PIK3AP1: variants seen among roughly 807,000 people sequenced by gnomAD.
The protein encoded by PIK3AP1 is phosphoinositide 3-kinase adapter protein 1.
A neutral mutation model predicts 88.1 loss-of-function variants in PIK3AP1; 21 were observed. The ratio of observed to expected loss-of-function variants is 0.24; its 90% CI spans 0.17 to 0.34. PIK3AP1 has a LOEUF of 0.34. PIK3AP1 is among the 10% of genes least tolerant of loss of function. PIK3AP1 has a pLI of 1.00. For synonymous variants in PIK3AP1, 398 were observed against 400.0 expected (o/e 1.00, Z 0.06); for missense variants, 828 against 1,035.7 (o/e 0.80, Z 2.75).
In PIK3AP1 at chr10:96,720,091, C is replaced by T. The variant is rs1214251627; in HGVS notation, c.13+291G>A. On this transcript the variant is annotated intron_variant, in intron 1 of 16. Coordinates refer to ENST00000339364, the MANE Select transcript of PIK3AP1 (RefSeq NM_152309.3). This position sits in a 1 kb window ranked among gnomAD's most constrained non-coding sequence, Gnocchi z 4.6. ...AGAGTCGGAGGGACAGGGGAAGCGA[C>T]GCTCAGACACTCCTAGGGCCAGAGG... 6.6e-6 allele frequency among the ~76,000 whole-genome samples: 1 copy of T among 152,146 alleles called. No individual in the cohort carries two copies. Among genetic ancestry groups the T allele is most frequent in the Non-Finnish European group, 1.5e-5 (1 of 68,022 alleles).
intron 11 of PIK3AP1, among the ~76,000 whole-genome samples, chr10:96,622,345 C>T (rs781142102): frequency 6.6e-6 from 1 of 152,214 alleles, no homozygotes. Flanking sequence ...ATGAGCTACT[C>T]GCAGCGACCA....
Position 96,626,753 on chromosome 10 carries a change from G to T in PIK3AP1, c.1624C>A (p.Pro542Thr). 4 of 1,614,218 alleles carry T rather than the reference G, an allele frequency of 2.5e-6. No homozygotes were observed. Among genetic ancestry groups the T allele is most frequent in the Non-Finnish European group, 3.4e-6 (4 of 1,180,040 alleles). The change falls in exon 10 of 17, where the codon CCT (proline) becomes ACT (threonine). Residue 542 changes from proline to threonine, a missense_variant. By Grantham distance (38) the Pro-to-Thr change is conservative. This residue lies in a region of PIK3AP1 where 610 missense variants were observed against 760.1 expected (regional missense o/e 0.80). Coordinates refer to ENST00000339364, the MANE Select transcript of PIK3AP1 (RefSeq NM_152309.3). ...VPVPRPETTA[P>T]GAHQLPDNEP... ...TTGTCAGGCAGCTGGTGAGCACCAG[G>T]AGCAGTGGTCTCTGGTCTGGGCACT...
At chr10:96,597,394 T>G (rs1848792898) in intron 16 of PIK3AP1, among the ~76,000 whole-genome samples, 1 of 128,948 alleles carries the variant, frequency 7.8e-6, no homozygotes, top group Non-Finnish European at 1.6e-5. Flanking sequence ...CTTTCTTTCT[T>G]TCAACAAACA....
At chr10:96,624,661 CAAAAAAA>C (rs5787202) in intron 10 of PIK3AP1, among the ~76,000 whole-genome samples, 2 of 139,416 alleles carry the variant, frequency 1.4e-5, no homozygotes, top group Admixed American at 1.4e-4. Flanking sequence ...GACCCTGTCT[CAAAAAAA>C]AAAAAAAGAA....
intron 3 of PIK3AP1, 61 bp downstream of exon 3, chr10:96,656,737 T>C (rs1414357125): frequency 6.3e-7 from 1 of 1,596,718 alleles, no homozygotes; most frequent in East Asian, 2.2e-5. Context: ...CTGCAACAAA[T>C]GCATGCATTT....
intron 2 of PIK3AP1, among the ~76,000 whole-genome samples, chr10:96,663,627 CAAAAA>C (rs373081849): frequency 7.0e-5 from 3 of 42,988 alleles, no homozygotes; most frequent in South Asian, 2.1e-3. Context: ...GAGACTCCGT[CAAAAA>C]AAAAAAAAAA....
intron 14 of PIK3AP1, 53 bp downstream of exon 14, chr10:96,609,659 G>C: frequency 6.3e-7 from 1 of 1,582,964 alleles, no homozygotes; most frequent in Non-Finnish European, 8.6e-7. Context: ...GTCCAAGGGT[G>C]CCAGCTGGAG....
intron 1 of PIK3AP1, among the ~76,000 whole-genome samples, chr10:96,717,652 G>A (rs1844519929): frequency 6.6e-6 from 1 of 152,182 alleles, no homozygotes; most frequent in African/African-American, 2.4e-5. Context: ...CTTGGAGAGA[G>A]GGGGCAAGAG....
chr10:96,632,978 T>A, intron 8 of PIK3AP1: 1 of 1,612,844 alleles, frequency 6.2e-7, no homozygotes, highest in Non-Finnish European at 8.5e-7. Context: ...GGTCTTCCTT[T>A]GAGCCAGTCC....
chr10:96,598,205 G>A (rs750722628), intron 16 of PIK3AP1, among the ~76,000 whole-genome samples: 52 of 151,842 alleles, frequency 3.4e-4, no homozygotes, highest in Middle Eastern at 3.4e-3. Flanking sequence ...CACCACACCT[G>A]GCTAATTTTT....
intron 1 of PIK3AP1, among the ~76,000 whole-genome samples, chr10:96,715,692 C>A (rs1844492539): frequency 1.3e-5 from 2 of 151,928 alleles, no homozygotes; most frequent in African/African-American, 4.8e-5. Flanking sequence ...AGATCGAGAC[C>A]ATCCTGGCTA....
chr10:96,661,625 T>G (rs1406483480), intron 2 of PIK3AP1, among the ~76,000 whole-genome samples: 1 of 152,072 alleles, frequency 6.6e-6, no homozygotes, highest in East Asian at 1.9e-4. Flanking sequence ...ATATAAAATC[T>G]ACTCAAAAAT....
intron 14 of PIK3AP1, among the ~76,000 whole-genome samples, chr10:96,606,381 T>G (rs1412231855): frequency 6.6e-6 from 1 of 152,204 alleles, no homozygotes; most frequent in Non-Finnish European, 1.5e-5. Flanking sequence ...TGAGCCATAA[T>G]CCTTTTGAAG....
At chr10:96,668,014 C>A (rs1843789478) in intron 2 of PIK3AP1, among the ~76,000 whole-genome samples, 2 of 152,070 alleles carry the variant, frequency 1.3e-5, no homozygotes, top group Non-Finnish European at 1.5e-5. Flanking sequence ...TGTAGAGTGG[C>A]AAAGTTTCCT....
intron 13 of PIK3AP1, among the ~76,000 whole-genome samples, chr10:96,615,814 C>A (rs1395759876): frequency 6.6e-6 from 1 of 152,170 alleles, no homozygotes; most frequent in Non-Finnish European, 1.5e-5. Context: ...GTTACCAGCC[C>A]AACTAGGTTC....
At chr10:96,607,040 G>A (rs72816995) in intron 14 of PIK3AP1, among the ~76,000 whole-genome samples, 3,086 of 152,244 alleles carry the variant, frequency 0.02, 52 homozygotes, top group Non-Finnish European at 0.025. Flanking sequence ...AATATCTGGC[G>A]CTTGAATTTT....
chr10:96,711,907 C>T (rs1308019034), intron 1 of PIK3AP1, among the ~76,000 whole-genome samples: 1 of 151,510 alleles, frequency 6.6e-6, no homozygotes, highest in Non-Finnish European at 1.5e-5. Flanking sequence ...CCCGCCATCA[C>T]GCCCGGCTAA....
At chr10:96,653,382 G>T (rs1470917482) in intron 3 of PIK3AP1, among the ~76,000 whole-genome samples, 1 of 133,754 alleles carries the variant, frequency 7.5e-6, no homozygotes, top group Non-Finnish European at 1.5e-5. Context: ...TCCAGCCTGG[G>T]CAACAGAGGC....
intron 2 of PIK3AP1, among the ~76,000 whole-genome samples, chr10:96,695,972 C>T (rs1221126985): frequency 2.0e-5 from 3 of 152,170 alleles, no homozygotes; most frequent in African/African-American, 7.2e-5. Context: ...TGTTTAGAAA[C>T]ACCCTATGTT....
Sources: allele counts gnomAD v4.1 joint callset (sites outside exome capture counted in the v4.1 genomes callset), GRCh38; gene constraint gnomAD v4.1.1; regional missense constraint gnomAD v4.1.1; non-coding constraint Gnocchi (gnomAD v3.1); transcripts MANE v1.5; gene names NCBI Gene and HGNC (gene_info 2026-07-23, HGNC 2026-07-21).